WWOX: variants seen among roughly 807,000 people sequenced by gnomAD.
WWOX encodes the protein WW domain-containing oxidoreductase.
In WWOX, 69 loss-of-function variants were observed where a neutral mutation model predicts 46.2. The ratio of observed to expected loss-of-function variants is 1.49; its 90% CI spans 1.23 to 1.82. The LOEUF (loss-of-function observed/expected upper bound fraction) is 1.82, where lower values mean the gene tolerates loss of function less well. WWOX is among the 40% of genes most tolerant of loss of function. WWOX has a pLI of 0.00. For synonymous variants in WWOX, 359 were observed against 202.6 expected, an observed-to-expected ratio of 1.77 and a Z score of -6.56; for missense variants, 919 against 542.6, an observed-to-expected ratio of 1.69 and a Z score of -6.89.
Position 78,638,564 on chromosome 16 carries a change from A to G in WWOX, c.1056+205812A>G, listed in dbSNP as rs140519879. Among the ~76,000 whole-genome samples the G allele has an allele frequency of 2.8e-3, 432 of 152,174 alleles. 2 individuals are homozygous for G. Among genetic ancestry groups the G allele is most frequent in the East Asian group, 0.028 (145 of 5,172 alleles). ...TTTCTGAATGACCCTGTTAATTGCA[A>G]TTGACTCTCATAGAATGTGGATAGC... On this transcript the variant is annotated intron_variant, in intron 8 of 8. Coordinates refer to ENST00000566780, the MANE Select transcript of WWOX (RefSeq NM_016373.4).
intron 8 of WWOX, among the ~76,000 whole-genome samples, chr16:78,634,513 C>G (rs1261942412): frequency 6.6e-6 from 1 of 151,998 alleles, no homozygotes; most frequent in East Asian, 1.9e-4. Context: ...CGAGACCAGC[C>G]TGGCCAACAT....
intron 5 of WWOX, among the ~76,000 whole-genome samples, chr16:78,278,980 T>C (rs988103968): frequency 2.6e-5 from 4 of 152,310 alleles, no homozygotes; most frequent in African/African-American, 9.6e-5. Flanking sequence ...CCATCTCTAT[T>C]GTATTATCTG....
At chr16:78,975,089 C>T (rs750670033) in intron 8 of WWOX, among the ~76,000 whole-genome samples, 33 of 152,198 alleles carry the variant, frequency 2.2e-4, no homozygotes, top group Non-Finnish European at 8.8e-5. Context: ...TGTTACTCTG[C>T]ATTTTAACTC....
chr16:79,039,985 T>A (rs2047940043), intron 8 of WWOX, among the ~76,000 whole-genome samples: 1 of 152,154 alleles, frequency 6.6e-6, no homozygotes, highest in Non-Finnish European at 1.5e-5. Context: ...TGCTGGTACA[T>A]TTCATCAAAG....
At chr16:78,268,790 C>G (rs2079418782) in intron 5 of WWOX, among the ~76,000 whole-genome samples, 1 of 151,968 alleles carries the variant, frequency 6.6e-6, no homozygotes, top group South Asian at 2.1e-4. Context: ...TTGTTTATTT[C>G]TTGGTTTTAG....
rs762529157 is a variant in WWOX at position 79,123,627 on chromosome 16, G to A, written c.1057-87981G>A. ...GTAGAGCCAGCAGTCAAAATAGTTT[G>A]ACCCCAAGGCTCCAGGCTTTTTCCC... On this transcript the variant is annotated intron_variant, in intron 8 of 8. Transcript: ENST00000566780. Among the ~76,000 whole-genome samples, 20 of 152,110 alleles carry A rather than the reference G, an allele frequency of 1.3e-4. No individual in the cohort carries two copies. The Middle Eastern group carries it at 0.01, about 78-fold the overall frequency.
intron 5 of WWOX, among the ~76,000 whole-genome samples, chr16:78,196,695 T>C (rs1421340061): frequency 6.6e-6 from 1 of 152,196 alleles, no homozygotes; most frequent in African/African-American, 2.4e-5. Flanking sequence ...TGTCAAATAA[T>C]AGCATTAGCT....
intron 8 of WWOX, among the ~76,000 whole-genome samples, chr16:78,826,790 G>GAGCACA (rs2051669971): frequency 6.6e-6 from 1 of 152,078 alleles, no homozygotes; most frequent in Non-Finnish European, 1.5e-5. Flanking sequence ...AGGTTTGAGG[G>GAGCACA]GTGGTATGAG....
chr16:78,958,850 C>A (rs562523083), intron 8 of WWOX, among the ~76,000 whole-genome samples: 8 of 152,242 alleles, frequency 5.3e-5, no homozygotes, highest in African/African-American at 1.9e-4. Flanking sequence ...TAAAATTCTT[C>A]CTTTGATTCA....
intron 8 of WWOX, among the ~76,000 whole-genome samples, chr16:79,138,385 G>T (rs2050024063): frequency 6.6e-6 from 1 of 152,170 alleles, no homozygotes; most frequent in Non-Finnish European, 1.5e-5. Flanking sequence ...GCTGCCCAGT[G>T]CCTTCCCCAT....
At chr16:78,845,716 C>T (rs914220849) in intron 8 of WWOX, among the ~76,000 whole-genome samples, 1 of 152,144 alleles carries the variant, frequency 6.6e-6, no homozygotes, top group Non-Finnish European at 1.5e-5. Flanking sequence ...CTTCCAGACA[C>T]TCATTTTAAG....
At chr16:78,476,736 G>C (rs1197053178) in intron 8 of WWOX, among the ~76,000 whole-genome samples, 1 of 152,128 alleles carries the variant, frequency 6.6e-6, no homozygotes, top group East Asian at 1.9e-4. Context: ...TTCTTCAGTT[G>C]AAGACCTAAA....
intron 8 of WWOX, among the ~76,000 whole-genome samples, chr16:79,105,218 C>T (rs1439358126): frequency 2.6e-5 from 4 of 152,114 alleles, no homozygotes; most frequent in African/African-American, 4.8e-5. Flanking sequence ...TCCTCAGTAA[C>T]AGCAGTCTGC....
intron 8 of WWOX, among the ~76,000 whole-genome samples, chr16:78,657,526 C>G (rs1433234969): frequency 2.0e-5 from 3 of 152,178 alleles, no homozygotes; most frequent in Admixed American, 2.0e-4. Flanking sequence ...AATCAGCAGA[C>G]CCAGAGTCTA....
At chr16:79,189,115 G>C (rs2017010) in intron 8 of WWOX, among the ~76,000 whole-genome samples, 79,049 of 152,010 alleles carry the variant, frequency 0.52, 21,186 homozygotes, top group South Asian at 0.68. Context: ...TAGAAACCTA[G>C]GGAGAGAGAT....
chr16:78,602,095 G>A (rs75781347), intron 8 of WWOX, among the ~76,000 whole-genome samples: 2,454 of 152,308 alleles, frequency 0.016, 51 homozygotes, highest in East Asian at 0.068. Flanking sequence ...AAATGATTCT[G>A]TTGGGCTTAT....
At chr16:78,461,388 A>G (rs1205937308) in intron 8 of WWOX, among the ~76,000 whole-genome samples, 1 of 152,226 alleles carries the variant, frequency 6.6e-6, no homozygotes, top group African/African-American at 2.4e-5. Context: ...CAAACAAACA[A>G]AAAATAGGAA....
At chr16:78,572,782 G>A (rs66513710) in intron 8 of WWOX, among the ~76,000 whole-genome samples, 28,230 of 151,930 alleles carry the variant, frequency 0.19, 3,189 homozygotes, top group African/African-American at 0.32. Context: ...AGGTGTGAGG[G>A]ACGGGGCATG....
At chr16:78,790,060 A>G (rs901225280) in intron 8 of WWOX, among the ~76,000 whole-genome samples, 2 of 152,260 alleles carry the variant, frequency 1.3e-5, no homozygotes, top group African/African-American at 2.4e-5. Context: ...GGCTCTTAGT[A>G]TAACACCTTG....
Sources: gnomAD v4.1 joint callset for allele counts (sites outside exome capture counted in the v4.1 genomes callset) on GRCh38, gnomAD v4.1.1 for gene constraint, MANE v1.5 for transcripts, NCBI Gene and HGNC (gene_info 2026-07-23, HGNC 2026-07-21) for gene names.